GTF2E2: variants seen among roughly 807,000 people sequenced by gnomAD.
The protein encoded by GTF2E2 is general transcription factor IIE subunit 2.
Under a neutral mutation model 40.5 loss-of-function variants are expected in GTF2E2, and 21 were observed. The observed-to-expected ratio is 0.52, with a 90% CI of 0.37 to 0.75. The LOEUF (loss-of-function observed/expected upper bound fraction) is 0.75, where lower values mean the gene tolerates loss of function less well. GTF2E2 is among the 30% of genes least tolerant of loss of function. GTF2E2 has a pLI of 0.00. For missense variants in GTF2E2, 298 were observed against 338.4 expected (o/e 0.88, Z 0.94); for synonymous variants, 117 against 121.6 (o/e 0.96, Z 0.25).
intron 3 of GTF2E2, among the ~76,000 whole-genome samples, chr8:30,632,210 C>T (rs1039201337): frequency 6.6e-6 from 1 of 152,206 alleles, no homozygotes; most frequent in Non-Finnish European, 1.5e-5. Context: ...ACAAGCAGCG[C>T]AGAAATGTTT....
intron 3 of GTF2E2, among the ~76,000 whole-genome samples, chr8:30,629,981 G>C (rs140733655): frequency 6.6e-5 from 10 of 152,258 alleles, no homozygotes; most frequent in African/African-American, 9.6e-5. Flanking sequence ...GAGAATTAAA[G>C]TGCTGTCTCA....
intron 6 of GTF2E2, among the ~76,000 whole-genome samples, chr8:30,594,110 T>C (rs915347505): frequency 3.9e-5 from 6 of 151,980 alleles, no homozygotes; most frequent in African/African-American, 1.5e-4. Flanking sequence ...TTTGTATTTT[T>C]AGTAGAGATG....
intron 5 of GTF2E2, among the ~76,000 whole-genome samples, chr8:30,611,267 T>C (rs1829467254): frequency 6.6e-6 from 1 of 152,306 alleles, no homozygotes. Flanking sequence ...TTTACACATA[T>C]TAATATAATC....
chr8:30,588,138 T>C (rs1204305125), intron 6 of GTF2E2, among the ~76,000 whole-genome samples: 3 of 152,174 alleles, frequency 2.0e-5, no homozygotes, highest in Admixed American at 6.5e-5. Flanking sequence ...TAAATTGGTG[T>C]AGCCATTATG....
chr8:30,613,106 A>T (rs1829526330), intron 4 of GTF2E2, among the ~76,000 whole-genome samples: 2 of 152,266 alleles, frequency 1.3e-5, no homozygotes, highest in Admixed American at 6.5e-5. Flanking sequence ...CTAGTAGTCA[A>T]AATGTGTAGG....
intron 3 of GTF2E2, 82 bp from the exon 4 acceptor site, chr8:30,614,797 TCAGGAATGAAAAA>T: frequency 2.7e-6 from 2 of 746,298 alleles, no homozygotes; most frequent in Non-Finnish European, 4.6e-6. Flanking sequence ...AAACAAACCT[TCAGGAATGAAAAA>T]CATGTATTAT....
intron 3 of GTF2E2, among the ~76,000 whole-genome samples, chr8:30,622,881 T>C (rs1801154926): frequency 6.6e-6 from 1 of 152,108 alleles, no homozygotes; most frequent in Non-Finnish European, 1.5e-5. Context: ...AACATTGCTG[T>C]TACCCTGTTC....
chr8:30,628,790 G>T (rs932944737), intron 3 of GTF2E2, among the ~76,000 whole-genome samples: 6 of 152,146 alleles, frequency 3.9e-5, no homozygotes, highest in Non-Finnish European at 8.8e-5. Context: ...AATTAGCCGG[G>T]TGTGGTGGCA....
At chr8:30,630,042 T>C (rs532977730) in intron 3 of GTF2E2, among the ~76,000 whole-genome samples, 4 of 152,326 alleles carry the variant, frequency 2.6e-5, no homozygotes, top group African/African-American at 9.6e-5. Flanking sequence ...TTGGAGTGCT[T>C]TTAAAACTTA....
intron 2 of GTF2E2, among the ~76,000 whole-genome samples, chr8:30,648,394 A>C (rs1217987014): frequency 6.6e-6 from 1 of 152,270 alleles, no homozygotes; most frequent in Non-Finnish European, 1.5e-5. Context: ...ATGAAGAATG[A>C]ACACTAAAGC....
At chr8:30,638,959 C>T (rs1469529650) in intron 2 of GTF2E2, among the ~76,000 whole-genome samples, 1 of 152,038 alleles carries the variant, frequency 6.6e-6, no homozygotes, top group Non-Finnish European at 1.5e-5. Flanking sequence ...TTTCTCTGAG[C>T]GATTTCATTT....
At chr8:30,582,459 T>C (rs1266161686) in intron 6 of GTF2E2, among the ~76,000 whole-genome samples, 1 of 152,230 alleles carries the variant, frequency 6.6e-6, no homozygotes, top group Non-Finnish European at 1.5e-5. Flanking sequence ...TACATAACTG[T>C]ATAATTATTG....
intron 1 of GTF2E2, chr8:30,657,515 A>G (rs1802483977): frequency 6.6e-6 from 1 of 152,272 alleles, no homozygotes; most frequent in African/African-American, 2.4e-5. Context: ...AGGGGGCCGC[A>G]GCGTTGTTTA....
At chr8:30,655,313 A>G (rs951914892) in intron 1 of GTF2E2, among the ~76,000 whole-genome samples, 2 of 152,182 alleles carry the variant, frequency 1.3e-5, no homozygotes, top group African/African-American at 4.8e-5. Flanking sequence ...AAGCAATTTC[A>G]CTACAACCAG....
In GTF2E2 at chr8:30,623,005, G is replaced by A. The variant is rs563187604; in HGVS notation, c.259-8290C>T. On this transcript the variant is annotated intron_variant, in intron 3 of 7. Coordinates refer to ENST00000355904, the MANE Select transcript of GTF2E2 (RefSeq NM_002095.6). Reference sequence around the variant, plus strand: ...CGACATACATCCTCCTCAGCTGACAGGATTAAGAGATTAAAGTAAAGACAG... The same window carrying A: ...CGACATACATCCTCCTCAGCTGACAAGATTAAGAGATTAAAGTAAAGACAG... Among the ~76,000 whole-genome samples the A allele has an allele frequency of 2.0e-3, 311 of 152,136 alleles. 2 individuals carry two copies. Among genetic ancestry groups the A allele is most frequent in the African/African-American group, 7.2e-3 (299 of 41,428 alleles).
intron 6 of GTF2E2, among the ~76,000 whole-genome samples, chr8:30,588,786 G>A (rs766406197): frequency 8.5e-5 from 13 of 152,096 alleles, no homozygotes; most frequent in African/African-American, 1.2e-4. Flanking sequence ...GCAAGAAAAC[G>A]AATTCTTCCC....
rs1331182990 is a variant in GTF2E2, at chr8:30,578,827, G to A, written c.*94C>T. 1 of 748,120 alleles carries A rather than the reference G, an allele frequency of 1.3e-6. No homozygotes were observed. Among genetic ancestry groups the A allele is most frequent in the Non-Finnish European group, 2.5e-6 (1 of 407,120 alleles). 46.3% of individuals were successfully genotyped at this position (748,120 alleles called of 1,614,324 possible). A position where few individuals can be genotyped will look rare whatever the true frequency, so the allele number is the denominator to read the frequency against. On this transcript the variant is annotated 3_prime_UTR_variant, in exon 8 of 8. Transcript: ENST00000355904. ...GAACTGCTCCTCTCCTCAGCCGCAA[G>A]AAGCAGATAGGAAGACAGTCTTCAG...
At chr8:30,583,798 T>TTTTA (rs767255498) in intron 6 of GTF2E2, among the ~76,000 whole-genome samples, 31 of 150,782 alleles carry the variant, frequency 2.1e-4, no homozygotes, top group Non-Finnish European at 3.9e-4. Context: ...TATTTATTTA[T>TTTTA]TTTATTTATT....
intron 6 of GTF2E2, among the ~76,000 whole-genome samples, chr8:30,602,898 T>C (rs1217660698): frequency 6.6e-6 from 1 of 152,202 alleles, no homozygotes. Context: ...GTGGACACTA[T>C]TCTGACCCTT....
Sources: gnomAD v4.1 joint callset for allele counts (sites outside exome capture counted in the v4.1 genomes callset) on GRCh38, gnomAD v4.1.1 for gene constraint, MANE v1.5 for transcripts, NCBI Gene and HGNC (gene_info 2026-07-23, HGNC 2026-07-21) for gene names.